Variants in RHOBTB1 observed in about 807,000 individuals in gnomAD.
RHOBTB1 encodes Rho related BTB domain containing 1.
A neutral mutation model predicts 71.6 loss-of-function variants in RHOBTB1; 40 were observed. The ratio of observed to expected loss-of-function variants is 0.56; its 90% CI spans 0.43 to 0.73. The LOEUF is 0.73. RHOBTB1 is among the 30% of genes least tolerant of loss of function. The pLI is 0.00. For synonymous variants in RHOBTB1, 319 were observed against 334.9 expected, an observed-to-expected ratio of 0.95 and a Z score of 0.52; for missense variants, 797 against 894.0, an observed-to-expected ratio of 0.89 and a Z score of 1.38.
upstream of RHOBTB1, among the ~76,000 whole-genome samples, chr10:60,947,762 C>A (rs1370552303): frequency 6.6e-6 from 1 of 152,046 alleles, no homozygotes; most frequent in Non-Finnish European, 1.5e-5. Context: ...CAGTATTTTG[C>A]TATTAATATT....
At chr10:60,866,386 G>T (rs926863897), downstream of RHOBTB1, among the ~76,000 whole-genome samples, 2 of 152,154 alleles carry the variant, frequency 1.3e-5, no homozygotes, top group Non-Finnish European at 2.9e-5. Flanking sequence ...CACCATTTGT[G>T]TAACAATTAT....
chr10:60,955,018 G>C (rs1301181154), intron 2 of RHOBTB1, among the ~76,000 whole-genome samples: 2 of 149,208 alleles, frequency 1.3e-5, no homozygotes, highest in Non-Finnish European at 3.0e-5. Flanking sequence ...TATTTGACAA[G>C]GGGAATCTTT....
rs144742730 is a variant in RHOBTB1 at position 60,961,234 on chromosome 10, G to T, written c.-61-19380C>A. Among the ~76,000 whole-genome samples, 42 of 152,180 alleles carry T rather than the reference G, an allele frequency of 2.8e-4. No homozygotes were observed. In the East Asian group the frequency reaches 5.2e-3, roughly 19 times the overall value. On this transcript the variant is annotated intron_variant, in intron 2 of 11. Transcript: ENST00000357917. ...ACAAAAATGTCCTTGTGAACATATA[G>T]GAAACCTTGTATTCAGGAAGAACAT...
At chr10:60,919,499 C>T (rs2083443104) in intron 2 of RHOBTB1, among the ~76,000 whole-genome samples, 1 of 152,132 alleles carries the variant, frequency 6.6e-6, no homozygotes, top group Admixed American at 6.6e-5. Flanking sequence ...GACCCAGAGC[C>T]GGGAAAGAGA....
intron 1 of RHOBTB1, among the ~76,000 whole-genome samples, chr10:60,989,921 T>A (rs900893752): frequency 6.6e-6 from 1 of 151,770 alleles, no homozygotes; most frequent in African/African-American, 2.4e-5. Flanking sequence ...TACAATACTC[T>A]TGGTATGCAG....
chr10:60,922,873 G>T (rs188695302), intron 2 of RHOBTB1, among the ~76,000 whole-genome samples: 1 of 152,242 alleles, frequency 6.6e-6, no homozygotes, highest in Admixed American at 6.5e-5. Flanking sequence ...GATCTTCTGG[G>T]GTTAATCCAA....
At chr10:60,890,368 T>C (rs1280958659) in intron 5 of RHOBTB1, among the ~76,000 whole-genome samples, 2 of 152,090 alleles carry the variant, frequency 1.3e-5, no homozygotes, top group Admixed American at 6.5e-5. Flanking sequence ...AACTATGACC[T>C]GGCGGCAGTT....
Position 60,911,004 on chromosome 10 carries a change from A to G in RHOBTB1, c.193-14T>C. 6.2e-7 allele frequency: 1 copy of G among 1,607,620 alleles called. No homozygotes were observed. Among genetic ancestry groups the G allele is most frequent in the Non-Finnish European group, 8.5e-7 (1 of 1,174,606 alleles). On this transcript the variant is annotated splice_polypyrimidine_tract_variant and intron_variant, in intron 3 of 10. Coordinates refer to ENST00000337910, the MANE Select transcript of RHOBTB1 (RefSeq NM_014836.5). ...ACGCTCCAAGACCTGCAGGAGAGAG[A>G]GAGAGCATCTGTGCTCGGTGTCAGT...
intron 1 of RHOBTB1, among the ~76,000 whole-genome samples, chr10:61,000,893 C>T (rs1213398152): frequency 6.6e-6 from 1 of 152,162 alleles, no homozygotes; most frequent in Non-Finnish European, 1.5e-5. Context: ...AAATCAATCC[C>T]GCATCACCTT....
rs77734945 is a variant in RHOBTB1, at chr10:60,961,157, T to A, written c.-61-19303A>T. On this transcript the variant is annotated intron_variant, in intron 2 of 11. Coordinates refer to the RHOBTB1 transcript ENST00000357917. Reference sequence around the variant, plus strand: ...GTGACTTCAGTTGGTCTTCTGTTGATGTTCAAGAGGCACTGTGGCATGCCA... The same window carrying A: ...GTGACTTCAGTTGGTCTTCTGTTGAAGTTCAAGAGGCACTGTGGCATGCCA... 1.8e-3 allele frequency among the ~76,000 whole-genome samples: 279 copies of A among 152,204 alleles called. 2 individuals carry two copies. The highest frequency in any genetic ancestry group is 6.4e-3 in the African/African-American group (266 of 41,532).
rs2082315495 is a variant in RHOBTB1, at chr10:60,899,559, T to C, written c.297-6564A>G. Among the ~76,000 whole-genome samples the C allele has an allele frequency of 2.6e-5, 4 of 152,320 alleles. No individual in the cohort carries two copies. The Middle Eastern group carries it at 0.01, about 389-fold the overall frequency. ...CATTTGACCATGATGACAAAAGGAC[T>C]CTACCCAGCCTCCTTGGCAACTCTC... On this transcript the variant is annotated intron_variant, in intron 4 of 10. Coordinates refer to ENST00000337910, the MANE Select transcript of RHOBTB1 (RefSeq NM_014836.5).
At chr10:60,976,590 T>C (rs989868100) in intron 2 of RHOBTB1, among the ~76,000 whole-genome samples, 1 of 151,980 alleles carries the variant, frequency 6.6e-6, no homozygotes, top group Non-Finnish European at 1.5e-5. Flanking sequence ...GTTTTAAAGA[T>C]TCAGTTTTTA....
intron 2 of RHOBTB1, among the ~76,000 whole-genome samples, chr10:60,924,109 AT>A (rs990749061): frequency 7.2e-5 from 11 of 152,034 alleles, no homozygotes; most frequent in Non-Finnish European, 1.0e-4. Flanking sequence ...AAATCTGTGT[AT>A]TTTTTTTCAG....
At chr10:60,873,312 T>A (rs2080889625) in intron 9 of RHOBTB1, among the ~76,000 whole-genome samples, 1 of 152,200 alleles carries the variant, frequency 6.6e-6, no homozygotes, top group Admixed American at 6.5e-5. Flanking sequence ...TATGTTATCA[T>A]CAGCCATGAT....
upstream of RHOBTB1, among the ~76,000 whole-genome samples, chr10:60,947,568 T>C (rs1367297044): frequency 6.6e-6 from 1 of 152,166 alleles, no homozygotes; most frequent in African/African-American, 2.4e-5. Flanking sequence ...AAGTATGTGA[T>C]GTTTTGAGAT....
rs186626261 is a variant in RHOBTB1, at chr10:60,955,119, A to G, written c.-61-13265T>C. Among the ~76,000 whole-genome samples, 259 of 137,370 alleles carry G rather than the reference A, an allele frequency of 1.9e-3. 1 individual carries two copies. The highest frequency in any genetic ancestry group is 6.2e-3 in the African/African-American group (227 of 36,412). 90.1% of individuals were successfully genotyped at this position (137,370 alleles called of 152,430 possible). ...GAATGCAGTGGTGCCATCTCTGCTT[A>G]CTGCAACCTCCACTTCCTGGGTTCA... is the stretch of plus-strand genomic sequence containing the variant. On this transcript the variant is annotated intron_variant, in intron 2 of 11. Coordinates refer to the RHOBTB1 transcript ENST00000357917.
chr10:60,983,879 T>A (rs1439140058), intron 2 of RHOBTB1, among the ~76,000 whole-genome samples: 1 of 152,206 alleles, frequency 6.6e-6, no homozygotes, highest in Non-Finnish European at 1.5e-5. Context: ...CATCTCCTAA[T>A]TTCAGTATCT....
chr10:60,994,354 T>C (rs1365422645), intron 1 of RHOBTB1, among the ~76,000 whole-genome samples: 4 of 152,164 alleles, frequency 2.6e-5, no homozygotes, highest in Non-Finnish European at 4.4e-5. Context: ...TGAGATTAGG[T>C]GGTCAGGGAG....
chr10:60,937,334 G>A (rs765226841), intron 2 of RHOBTB1, among the ~76,000 whole-genome samples: 9 of 152,150 alleles, frequency 5.9e-5, no homozygotes, highest in African/African-American at 1.2e-4. Context: ...TCAGCAACAC[G>A]TGACAAAAAG....
Sources: allele counts gnomAD v4.1 joint callset (sites outside exome capture counted in the v4.1 genomes callset), GRCh38; gene constraint gnomAD v4.1.1; transcripts MANE v1.5; gene names NCBI Gene and HGNC (gene_info 2026-07-23, HGNC 2026-07-21).